The following GRIK1 variants were observed in gnomAD, a reference collection of about 807,000 sequenced individuals.
GRIK1 encodes the protein glutamate ionotropic receptor kainate type subunit 1, also known as glutamate receptor ionotropic, kainate 1.
GRIK1 carries 69 observed loss-of-function variants against 105.7 expected under a neutral mutation model. The ratio of observed to expected loss-of-function variants is 0.65; its 90% CI spans 0.54 to 0.80. The LOEUF (loss-of-function observed/expected upper bound fraction) is 0.80, where lower values mean the gene tolerates loss of function less well. GRIK1 is among the 30% of genes least tolerant of loss of function. The pLI is 0.00. For synonymous variants in GRIK1, 438 were observed against 431.3 expected (o/e 1.02, Z -0.19); for missense variants, 1,109 against 1,167.3 (o/e 0.95, Z 0.73).
intron 14 of GRIK1, among the ~76,000 whole-genome samples, chr21:29,569,510 T>C (rs2090690207): frequency 6.6e-6 from 1 of 152,192 alleles, no homozygotes; most frequent in South Asian, 2.1e-4. Context: ...AACACTTTCC[T>C]GTAGGTTTTA....
At chr21:29,747,173 G>T (rs2065067393) in intron 1 of GRIK1, among the ~76,000 whole-genome samples, 1 of 152,222 alleles carries the variant, frequency 6.6e-6, no homozygotes, top group Non-Finnish European at 1.5e-5. Context: ...AGGACTGCAA[G>T]ACTTGATTGT....
In GRIK1 at chr21:29,627,364, C is replaced by T. The variant is rs116118454; in HGVS notation, c.1098+15462G>A. Among the ~76,000 whole-genome samples the T allele has an allele frequency of 4.2e-3, 639 of 152,246 alleles. 3 individuals carry two copies. The highest frequency in any genetic ancestry group is 0.015 in the African/African-American group (617 of 41,532). On this transcript the variant is annotated intron_variant, in intron 7 of 17. Transcript: ENST00000327783. ...AAGCAGCACTTCCAAAAGTTACACACATTTAAGTCATGAGAGAAAAGTAGA... is the reference window on the plus strand; with the variant it reads ...AAGCAGCACTTCCAAAAGTTACACATATTTAAGTCATGAGAGAAAAGTAGA...
At chr21:29,898,911 G>C (rs560164364) in intron 1 of GRIK1, among the ~76,000 whole-genome samples, 1 of 151,990 alleles carries the variant, frequency 6.6e-6, no homozygotes, top group Non-Finnish European at 1.5e-5. Context: ...GGTGGAGGTT[G>C]CAGTGAGCCG....
In GRIK1 at chr21:29,934,250, C is replaced by T. The variant is rs184317230; in HGVS notation, c.118+5133G>A. On this transcript the variant is annotated intron_variant, in intron 1 of 17. Coordinates refer to ENST00000327783, the MANE Select transcript of GRIK1 (RefSeq NM_001330994.2). ...CTGATAATATCAGTTTTTCTCTTTG[C>T]TAGTTGCCTCACATATAAATCACAC... Among the ~76,000 whole-genome samples, 226 of 152,296 alleles carry T rather than the reference C, an allele frequency of 1.5e-3. 2 individuals are homozygous for T. Among genetic ancestry groups the T allele is most frequent in the African/African-American group, 5.2e-3 (216 of 41,562 alleles).
intron 7 of GRIK1, among the ~76,000 whole-genome samples, chr21:29,633,995 G>A (rs1250024684): frequency 6.6e-6 from 1 of 152,142 alleles, no homozygotes; most frequent in African/African-American, 2.4e-5. Context: ...AATGGGAAGT[G>A]TTACTCAGTG....
chr21:29,913,130 ACCTGTGTTGCC>A (rs1569213320), intron 1 of GRIK1, among the ~76,000 whole-genome samples: 58 of 152,160 alleles, frequency 3.8e-4, no homozygotes, highest in Middle Eastern at 3.4e-3. Flanking sequence ...AGTCCAAAGC[ACCTGTGTTGCC>A]CTGGCAGTTT....
intron 1 of GRIK1, among the ~76,000 whole-genome samples, chr21:29,751,939 C>T (rs147432614): frequency 0.012 from 1,846 of 152,284 alleles, 14 homozygotes; most frequent in Non-Finnish European, 0.016. Flanking sequence ...AGGACATGTG[C>T]GCATGGCAGT....
At chr21:29,792,514 T>C (rs2066446979) in intron 1 of GRIK1, among the ~76,000 whole-genome samples, 1 of 152,206 alleles carries the variant, frequency 6.6e-6, no homozygotes, top group Non-Finnish European at 1.5e-5. Flanking sequence ...TCCTAGAGCA[T>C]TGTCAAAAGC....
At chr21:29,828,007 C>CTGTG (rs1323680417) in intron 1 of GRIK1, among the ~76,000 whole-genome samples, 9 of 124,126 alleles carry the variant, frequency 7.3e-5, no homozygotes, top group African/African-American at 2.9e-4. Flanking sequence ...CTCTCTGTCT[C>CTGTG]TCTCTGTGTG....
At chr21:29,810,599 TC>T (rs1185800527) in intron 1 of GRIK1, among the ~76,000 whole-genome samples, 12 of 152,148 alleles carry the variant, frequency 7.9e-5, no homozygotes, top group Non-Finnish European at 1.5e-4. Context: ...GGAAACACAA[TC>T]ACCTTACCCT....
intron 7 of GRIK1, among the ~76,000 whole-genome samples, chr21:29,599,506 G>C (rs979627366): frequency 6.6e-6 from 1 of 152,214 alleles, no homozygotes; most frequent in African/African-American, 2.4e-5. Flanking sequence ...ATGGAGGCCT[G>C]AAATCCAAAA....
intron 7 of GRIK1, among the ~76,000 whole-genome samples, chr21:29,608,482 A>T (rs2061666204): frequency 6.6e-6 from 1 of 152,178 alleles, no homozygotes. Context: ...GTTCATTAAT[A>T]AGATAGATAT....
intron 1 of GRIK1, among the ~76,000 whole-genome samples, chr21:29,831,306 G>A (rs2067630110): frequency 6.6e-6 from 1 of 152,066 alleles, no homozygotes; most frequent in Non-Finnish European, 1.5e-5. Flanking sequence ...AGTCCCATTG[G>A]CTTCCTTCAG....
chr21:29,834,848 A>T (rs115521874), intron 1 of GRIK1, among the ~76,000 whole-genome samples: 3,164 of 150,424 alleles, frequency 0.021, 110 homozygotes, highest in African/African-American at 0.074. Context: ...TCAATATTAC[A>T]ATTGAATATT....
intron 1 of GRIK1, among the ~76,000 whole-genome samples, chr21:29,916,279 A>C (rs2070993936): frequency 6.6e-6 from 1 of 151,780 alleles, no homozygotes. Context: ...TTATTTATGC[A>C]ATGTCATACA....
At chr21:29,651,067 C>T (rs1668386129) in intron 6 of GRIK1, 51 bp downstream of exon 6, 2 of 1,384,400 alleles carry the variant, frequency 1.4e-6, no homozygotes, top group Non-Finnish European at 2.0e-6. Context: ...GATCTTAACC[C>T]CGAAGGCATT....
intron 6 of GRIK1, among the ~76,000 whole-genome samples, chr21:29,645,193 G>A (rs1457849339): frequency 6.6e-6 from 1 of 152,144 alleles, no homozygotes; most frequent in South Asian, 2.1e-4. Context: ...ATACAGACAG[G>A]GAAATTGAGG....
In GRIK1 at chr21:29,651,216, C is replaced by T. The variant is rs982805123; in HGVS notation, c.856G>A (p.Asp286Asn). The change falls in exon 6 of 18, where the codon GAC becomes AAC. Residue 286 changes from aspartate to asparagine, a missense_variant. Physicochemically the swap from Asp to Asn is conservative, Grantham distance 23. Around this residue, in one of 5 missense-constraint regions of GRIK1, gnomAD observed 612 missense variants for 586.0 expected, o/e 1.04. Coordinates refer to ENST00000327783, the MANE Select transcript of GRIK1 (RefSeq NM_001330994.2). ...NMTGFRLLNIDNPHVSSIIEK... is the reference protein window; with the variant it reads ...NMTGFRLLNINNPHVSSIIEK... ...ATGATGGATGACACGTGAGGGTTGT[C>T]AATGTTAAGCAGCCGAAACCCGGTC... is the stretch of plus-strand genomic sequence containing the variant. 1 of 1,613,676 alleles carries T rather than the reference C, an allele frequency of 6.2e-7. No individual in the cohort carries two copies. The highest frequency in any genetic ancestry group is 8.5e-7 in the Non-Finnish European group (1 of 1,179,604).
intron 1 of GRIK1, among the ~76,000 whole-genome samples, chr21:29,848,755 G>GTGTGTATATATATA (rs773386863): frequency 3.3e-5 from 3 of 91,224 alleles, no homozygotes; most frequent in African/African-American, 1.3e-4. Context: ...AGTTGTGTGT[G>GTGTGTATATATATA]TATATATATA....
Sources: gnomAD v4.1 joint callset for allele counts (sites outside exome capture counted in the v4.1 genomes callset) on GRCh38, gnomAD v4.1.1 for gene constraint, gnomAD v4.1.1 regional missense constraint, MANE v1.5 for transcripts, NCBI Gene and HGNC (gene_info 2026-07-23, HGNC 2026-07-21) for gene names.